INTS14: variants seen among roughly 807,000 people sequenced by gnomAD.
INTS14 encodes the protein UPF0464 protein C15orf44.
In INTS14, 27 loss-of-function variants were observed where a neutral mutation model predicts 56.9. The observed-to-expected ratio is 0.47, with a 90% confidence interval of 0.35 to 0.65. The LOEUF (loss-of-function observed/expected upper bound fraction) is 0.65, where lower values mean the gene tolerates loss of function less well. INTS14 is among the 30% of genes least tolerant of loss of function. The pLI is 0.00. For missense variants in INTS14, 517 were observed against 632.2 expected, an observed-to-expected ratio of 0.82 and a Z score of 1.95; for synonymous variants, 207 against 236.2, an observed-to-expected ratio of 0.88 and a Z score of 1.13.
chr15:65,598,357 C>G lies in INTS14; in HGVS notation c.712G>C (p.Glu238Gln), dbSNP rs763031365. The change falls in exon 6 of 12, where the codon GAA becomes CAA. Residue 238 changes from glutamate (E) to glutamine (Q), a missense_variant. Transcript: ENST00000313182. ...ACTTTAGGGATAGGATCAATTTCTTCATCTACAACAAAAGGTTCTGGCCTG... is the reference window on the plus strand; with the variant it reads ...ACTTTAGGGATAGGATCAATTTCTTGATCTACAACAAAAGGTTCTGGCCTG... ...FPRPEPFVVD[E>Q]EIDPIPKVIN... is the part of the protein sequence containing the mutation. 1.2e-6 allele frequency: 2 copies of G among 1,614,040 alleles called. No homozygotes were observed. The highest frequency in any genetic ancestry group is 2.2e-5 in the South Asian group (2 of 91,082).
At chr15:65,580,199 T>C (rs1370654103) in intron 11 of INTS14, among the ~76,000 whole-genome samples, 1 of 151,964 alleles carries the variant, frequency 6.6e-6, no homozygotes, top group African/African-American at 2.4e-5. Flanking sequence ...CTTAGTGGAG[T>C]GGTCTGGGCA....
At chr15:65,609,179 T>G (rs1566935288) in intron 1 of INTS14, among the ~76,000 whole-genome samples, 2 of 152,176 alleles carry the variant, frequency 1.3e-5, no homozygotes, top group South Asian at 4.1e-4. Context: ...GGTCTCGAAC[T>G]TCTGACCTCG....
intron 9 of INTS14, among the ~76,000 whole-genome samples, chr15:65,586,053 G>T (rs1267194771): frequency 6.6e-6 from 1 of 151,402 alleles, no homozygotes; most frequent in South Asian, 2.1e-4. Flanking sequence ...TCACTGCCTA[G>T]AATGCTCTCC....
chr15:65,588,416 G>A (rs1192886233), intron 9 of INTS14, among the ~76,000 whole-genome samples: 4 of 151,952 alleles, frequency 2.6e-5, no homozygotes, highest in Admixed American at 2.6e-4. Flanking sequence ...TGTAATCCCA[G>A]CACTTTGGGA....
chr15:65,591,748 C>A lies in INTS14; in HGVS notation c.987-17G>T. On this transcript the variant is annotated splice_polypyrimidine_tract_variant and intron_variant, in intron 8 of 11. Coordinates refer to ENST00000313182, the MANE Select transcript of INTS14 (RefSeq NM_001394796.1). ...CATTCAGGACTAGATGGAGAGAAGA[C>A]GGAAGATCAGAAGAACATCAAGCCT... 1 of 1,612,512 alleles carries A rather than the reference C, an allele frequency of 6.2e-7. No homozygotes were observed. Among genetic ancestry groups the A allele is most frequent in the Non-Finnish European group, 8.5e-7 (1 of 1,179,324 alleles).
chr15:65,597,458 C>G (rs1471616522), intron 6 of INTS14, among the ~76,000 whole-genome samples: 1 of 152,224 alleles, frequency 6.6e-6, no homozygotes, highest in East Asian at 1.9e-4. Flanking sequence ...CAATAGGAAG[C>G]AAGTCTCCTC....
At chr15:65,603,616 C>CT (rs201341203) in intron 3 of INTS14, among the ~76,000 whole-genome samples, 153 of 145,594 alleles carry the variant, frequency 1.1e-3, no homozygotes, top group East Asian at 6.0e-3. Flanking sequence ...TAGCTACAAT[C>CT]TTTTTTTTTT....
intron 6 of INTS14, among the ~76,000 whole-genome samples, chr15:65,596,482 T>A (rs2073216631): frequency 6.6e-6 from 1 of 152,232 alleles, no homozygotes. Context: ...TAATATTTTA[T>A]TGATGTGCTT....
Position 65,584,828 on chromosome 15 carries a change from T to C in INTS14, c.1181A>G (p.Lys394Arg), listed in dbSNP as rs541704325. 43 of 1,613,450 alleles carry C rather than the reference T, an allele frequency of 2.7e-5. No homozygotes were observed. The highest frequency in any genetic ancestry group is 3.6e-5 in the Non-Finnish European group (43 of 1,179,776). The change falls in exon 10 of 12, where the codon AAA (lysine) becomes AGA (arginine). Residue 394 changes from lysine to arginine, a missense_variant. By Grantham distance (26) the Lys-to-Arg change is conservative. Transcript: ENST00000313182. ...DNKSPFPLQPKNKRSYAQNVT... is the reference protein window; with the variant it reads ...DNKSPFPLQPRNKRSYAQNVT... ...ATTCTGGGCATAACTGCGTTTGTTT[T>C]TGGGCTGCAGGGGGAATGGACTCTT...
chr15:65,582,042 T>G, intron 10 of INTS14, 23 bp from the exon 11 acceptor site: 1 of 1,435,318 alleles, frequency 7.0e-7, no homozygotes, highest in Non-Finnish European at 9.6e-7. Flanking sequence ...AAAAAAAAAA[T>G]CCAACATTAG....
At chr15:65,594,544 C>T (rs999021028) in intron 7 of INTS14, among the ~76,000 whole-genome samples, 6 of 150,786 alleles carry the variant, frequency 4.0e-5, no homozygotes, top group Non-Finnish European at 7.4e-5. Context: ...AGGCGCCTGC[C>T]ACTACGCCCA....
intron 8 of INTS14, 27 bp from the exon 9 acceptor site, chr15:65,591,758 G>A: frequency 6.2e-7 from 1 of 1,612,018 alleles, no homozygotes; most frequent in Non-Finnish European, 8.5e-7. Context: ...CGGAAGATCA[G>A]AAGAACATCA....
chr15:65,610,704 G>C, intron 1 of INTS14: 1 of 1,535,682 alleles, frequency 6.5e-7, no homozygotes, highest in Middle Eastern at 1.7e-4. Context: ...TGGCTTTCCC[G>C]TCAGCCTCCG....
Position 65,579,530 on chromosome 15 carries a change from G to T in INTS14, c.1435C>A (p.Leu479Met). 1 of 1,614,214 alleles carries T rather than the reference G, an allele frequency of 6.2e-7. No homozygotes were observed. Among genetic ancestry groups the T allele is most frequent in the Non-Finnish European group, 8.5e-7 (1 of 1,180,034 alleles). The change falls in exon 12 of 12, where the codon CTG (leucine) becomes ATG (methionine). Residue 479 changes from leucine to methionine, a missense_variant. Leu to Met is a conservative substitution (Grantham distance 15). Coordinates refer to ENST00000313182, the MANE Select transcript of INTS14 (RefSeq NM_001394796.1). ...ETAHPDAAFQ[L>M]THAAQQLKLA... The stretch of plus-strand genomic sequence containing the variant: ...TTGAGCTGCTGGGCAGCATGGGTCA[G>T]CTGGAATGCAGCATCAGGGTGGGCT...
intron 9 of INTS14, 109 bp from the exon 10 acceptor site, chr15:65,584,997 T>G: frequency 1.1e-6 from 1 of 896,130 alleles, no homozygotes; most frequent in Non-Finnish European, 1.6e-6. Context: ...ATCCTATCAC[T>G]TTGTTAATTA....
intron 8 of INTS14, among the ~76,000 whole-genome samples, chr15:65,592,006 C>T (rs2073049449): frequency 6.6e-6 from 1 of 152,174 alleles, no homozygotes; most frequent in South Asian, 2.1e-4. Context: ...TCACAAAGGG[C>T]AGCAAGTAGC....
intron 10 of INTS14, among the ~76,000 whole-genome samples, chr15:65,584,410 C>G (rs1047903983): frequency 7.2e-5 from 11 of 152,288 alleles, no homozygotes; most frequent in African/African-American, 2.6e-4. Flanking sequence ...GAAAATATGT[C>G]TCTCTAGACA....
chr15:65,611,049 C>T, intron 1 of INTS14, 49 bp downstream of exon 1: 3 of 1,535,480 alleles, frequency 2.0e-6, no homozygotes, highest in Non-Finnish European at 2.6e-6. Context: ...CACCTGTAAC[C>T]CCAACAAGCA....
chr15:65,607,946 G>A (rs1284554158), intron 1 of INTS14, among the ~76,000 whole-genome samples: 1 of 152,140 alleles, frequency 6.6e-6, no homozygotes, highest in Admixed American at 6.5e-5. Context: ...GAAAGGACTA[G>A]TAAAGTCATA....
Sources: gnomAD v4.1 joint callset for allele counts (sites outside exome capture counted in the v4.1 genomes callset) on GRCh38, gnomAD v4.1.1 for gene constraint, MANE v1.5 for transcripts, NCBI Gene and HGNC (gene_info 2026-07-23, HGNC 2026-07-21) for gene names.